Variants in PIK3C2G observed in about 807,000 individuals in gnomAD.
PIK3C2G encodes the protein phosphatidylinositol-4-phosphate 3-kinase catalytic subunit type 2 gamma.
In PIK3C2G, 168 loss-of-function variants were observed where a neutral mutation model predicts 181.1. The observed-to-expected ratio is 0.93, with a 90% CI of 0.82 to 1.05. The LOEUF (loss-of-function observed/expected upper bound fraction) is 1.05. PIK3C2G is among the 50% of genes least tolerant of loss of function. The pLI, the probability that PIK3C2G is intolerant of heterozygous loss-of-function variation, is 0.00. For synonymous variants in PIK3C2G, 573 were observed against 592.2 expected, an observed-to-expected ratio of 0.97 and a Z score of 0.47; for missense variants, 1,869 against 1,732.8, an observed-to-expected ratio of 1.08 and a Z score of -1.40.
At chr12:18,696,322 CTATATATATATATA>C in the PIK3C2G span, 66 of 267,788 alleles carry the variant, frequency 2.5e-4, 5 homozygotes, top group African/African-American at 2.2e-3. Flanking sequence ...TAAAAAGCCA[CTATATATATATATA>C]TATATATATA....
rs533539029 is a variant in PIK3C2G at position 18,350,702 on chromosome 12, T to C, written c.1625+3866T>C. On this transcript the variant is annotated intron_variant, in intron 11 of 32. Transcript: ENST00000538779. ...AGGCACAATCTCTCAATATAAATAC[T>C]GATGCATATACCAACCAAATATTGG... Among the ~76,000 whole-genome samples the C allele has an allele frequency of 2.0e-5, 3 of 152,302 alleles. No homozygotes were observed. The South Asian group carries it at 6.2e-4, about 32-fold the overall frequency.
upstream of PIK3C2G, among the ~76,000 whole-genome samples, chr12:18,259,748 A>C (rs531581595): frequency 8.5e-6 from 1 of 118,168 alleles, no homozygotes; most frequent in South Asian, 3.2e-4. Flanking sequence ...ATAAACTTGC[A>C]CGTAAACATT....
rs79356940 is a variant in PIK3C2G at position 18,457,914 on chromosome 12, A to G, written c.2505-30535A>G. On this transcript the variant is annotated intron_variant, in intron 18 of 32. Coordinates refer to ENST00000538779, the MANE Select transcript of PIK3C2G (RefSeq NM_001288772.2). The stretch of plus-strand genomic sequence containing the variant: ...AATCTAAATATGTAAATAGGTGACA[A>G]TAGTTTTTTTTAAGTCAAGATATAG... 7.0e-3 allele frequency among the ~76,000 whole-genome samples: 1,071 copies of G among 152,288 alleles called. 6 individuals are homozygous for G. The highest frequency in any genetic ancestry group is 0.019 in the African/African-American group (787 of 41,568).
chr12:18,579,195 T>C (rs1312780795), intron 29 of PIK3C2G, among the ~76,000 whole-genome samples: 3 of 152,272 alleles, frequency 2.0e-5, no homozygotes, highest in East Asian at 3.9e-4. Context: ...ATGCAACATA[T>C]ATTTTACTCT....
the PIK3C2G span, among the ~76,000 whole-genome samples, chr12:18,686,007 C>T: frequency 4.6e-5 from 7 of 151,858 alleles, no homozygotes; most frequent in Admixed American, 4.6e-4. Context: ...GAATTATTTC[C>T]ACATTTTATC....
chr12:18,440,516 G>A lies in PIK3C2G; in HGVS notation c.2504+16477G>A, dbSNP rs1458513439. On this transcript the variant is annotated intron_variant, in intron 18 of 32. Transcript: ENST00000538779. ...AGCAAGAAAAGGCCTTATTAAAAAG[G>A]TGACATTTGAAAAAGACCTCAGTGA... is the stretch of plus-strand genomic sequence containing the variant. Among the ~76,000 whole-genome samples the A allele has an allele frequency of 2.6e-5, 4 of 152,120 alleles. No homozygotes were observed. In the East Asian group the frequency reaches 7.7e-4, roughly 29 times the overall value.
intron 29 of PIK3C2G, among the ~76,000 whole-genome samples, chr12:18,571,294 T>C (rs1945926747): frequency 6.6e-6 from 1 of 150,830 alleles, no homozygotes; most frequent in African/African-American, 2.5e-5. Flanking sequence ...CAATGTTTTA[T>C]GATCCTAAAT....
chr12:18,485,535 T>C (rs930884823), intron 18 of PIK3C2G, among the ~76,000 whole-genome samples: 1 of 152,210 alleles, frequency 6.6e-6, no homozygotes, highest in South Asian at 2.1e-4. Context: ...TCATCTAGAT[T>C]TTATGCATTC....
At chr12:18,433,570 T>C (rs1946285065) in intron 18 of PIK3C2G, among the ~76,000 whole-genome samples, 2 of 152,178 alleles carry the variant, frequency 1.3e-5, no homozygotes. Context: ...TGTGCTCTTT[T>C]AGTTTTACTA....
chr12:18,674,223 A>G, the PIK3C2G span, among the ~76,000 whole-genome samples: 74 of 152,350 alleles, frequency 4.9e-4, no homozygotes, highest in Admixed American at 1.2e-3. Flanking sequence ...TATAAGCCAC[A>G]TATATTAAAT....
At chr12:18,490,181 T>G (rs4764407) in intron 19 of PIK3C2G, among the ~76,000 whole-genome samples, 1 of 151,948 alleles carries the variant, frequency 6.6e-6, no homozygotes, top group East Asian at 1.9e-4. Flanking sequence ...GCCAGGCAAA[T>G]CCAAGTATAG....
At chr12:18,454,995 C>A (rs1947548242) in intron 18 of PIK3C2G, among the ~76,000 whole-genome samples, 2 of 152,106 alleles carry the variant, frequency 1.3e-5, no homozygotes, top group African/African-American at 4.8e-5. Context: ...AAGGTGTCAA[C>A]CTGGGATCTA....
At chr12:18,443,052 T>C (rs1187524262) in intron 18 of PIK3C2G, among the ~76,000 whole-genome samples, 2 of 152,118 alleles carry the variant, frequency 1.3e-5, no homozygotes, top group African/African-American at 2.4e-5. Flanking sequence ...TTTGTATTTT[T>C]AGTAGAGACA....
rs1351807893 is a variant in PIK3C2G, at chr12:18,362,854, A to T, written c.1716A>T (p.Lys572Asn). ...VRNYRNIPDK[K>N]LFFFLVNWNE... The stretch of plus-strand genomic sequence containing the variant: ...ACTACAGAAATATTCCAGACAAGAA[A>T]TTATTTTTTTTCTTGGTCAACTGGA... The change falls in exon 12 of 33, where the codon AAA becomes AAT. Residue 572 changes from lysine (K) to asparagine (N), a missense_variant. Lys to Asn is a moderately conservative substitution (Grantham distance 94, BLOSUM62 0). Transcript: ENST00000538779. The T allele has an allele frequency of 1.9e-5, 29 of 1,516,904 alleles. No homozygotes were observed. Among genetic ancestry groups the T allele is most frequent in the Non-Finnish European group, 5.3e-6 (6 of 1,136,754 alleles). The allele number at this position is 1,516,904 out of a possible 1,614,324, so 94.0% of individuals were successfully genotyped here.
the PIK3C2G span, among the ~76,000 whole-genome samples, chr12:18,700,538 A>AAAAAAGG: frequency 1.9e-4 from 26 of 135,918 alleles, no homozygotes; most frequent in South Asian, 4.7e-4. Context: ...AAAAAAAAAT[A>AAAAAAGG]GTTGCTCTGC....
intron 19 of PIK3C2G, among the ~76,000 whole-genome samples, chr12:18,490,743 C>G (rs1310678946): frequency 5.3e-5 from 8 of 152,138 alleles, no homozygotes; most frequent in Admixed American, 5.2e-4. Flanking sequence ...AGTACTCCAT[C>G]ATGCATATGT....
the PIK3C2G span, chr12:18,694,039 A>T: frequency 1.4e-6 from 2 of 1,420,638 alleles, no homozygotes; most frequent in East Asian, 2.3e-5. Flanking sequence ...ACTTCAAAAA[A>T]TCTAAAGAAA....
intron 3 of PIK3C2G, 99 bp from the exon 4 acceptor site, chr12:18,290,756 A>G: frequency 2.6e-6 from 2 of 759,794 alleles, no homozygotes; most frequent in Non-Finnish European, 4.4e-6. Context: ...ATAGCAAAAC[A>G]CTACATGAAG....
intron 5 of PIK3C2G, among the ~76,000 whole-genome samples, chr12:18,303,825 C>T (rs1036131162): frequency 5.3e-5 from 8 of 151,852 alleles, no homozygotes; most frequent in South Asian, 4.2e-4. Context: ...AATTCTGTTT[C>T]GGCCAATTGC....
Sources: gnomAD v4.1 joint callset for allele counts (sites outside exome capture counted in the v4.1 genomes callset) on GRCh38, gnomAD v4.1.1 for gene constraint, MANE v1.5 for transcripts, NCBI Gene and HGNC (gene_info 2026-07-23, HGNC 2026-07-21) for gene names.